Variants in SS18L1 observed in about 807,000 individuals in gnomAD.
The protein encoded by SS18L1 is calcium-responsive transactivator.
SS18L1 carries 32 observed loss-of-function variants against 70.3 expected under a neutral mutation model. The ratio of observed to expected loss-of-function variants is 0.46; its 90% CI spans 0.34 to 0.61. SS18L1 has a LOEUF of 0.61. SS18L1 is among the 20% of genes least tolerant of loss of function. The probability of loss-of-function intolerance (pLI) is 0.01; values close to 1 mark genes in which losing one functional copy is unlikely to be tolerated. For synonymous variants in SS18L1, 237 were observed against 229.7 expected, an observed-to-expected ratio of 1.03 and a Z score of -0.29; for missense variants, 430 against 542.1, an observed-to-expected ratio of 0.79 and a Z score of 2.05.
At position 62,172,673 on chromosome 20, in the gene SS18L1, T is replaced by C. The variant is rs1328569730; in HGVS notation, c.917-9T>C. The C allele has an allele frequency of 6.2e-7, 1 of 1,614,092 alleles. No individual in the cohort carries two copies. Among genetic ancestry groups the C allele is most frequent in the Non-Finnish European group, 8.5e-7 (1 of 1,180,010 alleles). On this transcript the variant is annotated splice_polypyrimidine_tract_variant and intron_variant, in intron 8 of 10. Transcript: ENST00000331758. ...GGAAAGTCATTTCTGTGTCTCCTCCTCCCTCCAGGAAACTCCCAGTACAGC... is the reference window on the plus strand; with the variant it reads ...GGAAAGTCATTTCTGTGTCTCCTCCCCCCTCCAGGAAACTCCCAGTACAGC...
rs1244916245 is a variant in SS18L1, at chr20:62,174,436, T to TA, written c.1037-73dup. The TA allele has an allele frequency of 1.5e-5, 23 of 1,535,974 alleles. No individual in the cohort carries two copies. The East Asian group carries it at 4.8e-4, about 32-fold the overall frequency. On this transcript the variant is annotated intron_variant, in intron 9 of 10. Coordinates refer to ENST00000331758, the MANE Select transcript of SS18L1 (RefSeq NM_198935.3). This position sits in a 1 kb window ranked among gnomAD's most constrained non-coding sequence, Gnocchi z 4.1. ...ATTTTTCAAGGAGAAGAGGAAGTTT[T>TA]AAAAAAAATTTTTAAGTTAAGAAAA...
Position 62,174,088 on chromosome 20 carries a change from T to C in SS18L1, c.1037-429T>C, listed in dbSNP as rs1378495347. ...TTTGACTTAGCCTTCCTAGAGACGA[T>C]GTCTCTGTCTCACCTGCCTGCAGGT... On this transcript the variant is annotated intron_variant, in intron 9 of 10. Transcript: ENST00000331758. This position sits in a 1 kb window ranked among gnomAD's most constrained non-coding sequence, Gnocchi z 4.1. 6.6e-6 allele frequency among the ~76,000 whole-genome samples: 1 copy of C among 152,006 alleles called. No individual in the cohort carries two copies. Among genetic ancestry groups the C allele is most frequent in the Non-Finnish European group, 1.5e-5 (1 of 68,016 alleles).
chr20:62,167,034 G>GTTTTTTT (rs1235961398), intron 8 of SS18L1, among the ~76,000 whole-genome samples: 2 of 123,494 alleles, frequency 1.6e-5, no homozygotes, highest in East Asian at 5.2e-4. Flanking sequence ...GAGCTCAGGA[G>GTTTTTTT]TTTGTTTGTT....
At position 62,174,632 on chromosome 20, in the gene SS18L1, C is replaced by T. The variant is rs549365453; in HGVS notation, c.1152C>T (p.Tyr384=). 4.2e-5 allele frequency: 68 copies of T among 1,613,638 alleles called. No individual in the cohort carries two copies. The Admixed American group carries it at 6.8e-4, about 16-fold the overall frequency. The part of the protein sequence containing the change: ...TAPSAQQQRP[Y]GYEQGQYGNY... ...CGTCTGCCCAGCAGCAGCGGCCCTA[C>T]GGCTATGAACAGGCAAGCTTTCTGG... is the stretch of plus-strand genomic sequence containing the variant. Residue 384 remains tyrosine (Y), a synonymous_variant, in exon 10 of 11, where the codon TAC becomes TAT. Transcript: ENST00000331758. The surrounding 1 kb of genome is among the most constrained non-coding windows in gnomAD (Gnocchi z 4.1).
intron 1 of SS18L1, 59 bp downstream of exon 1, chr20:62,143,948 G>A (rs1277639912): frequency 2.1e-6 from 2 of 957,208 alleles, no homozygotes; most frequent in African/African-American, 1.8e-5. Context: ...CGCGCGCGGG[G>A]ACGGGGCGCG....
Position 62,163,640 on chromosome 20 carries a change from C to T in SS18L1, c.721+18C>T, listed in dbSNP as rs530583320. 9.7e-6 allele frequency: 15 copies of T among 1,545,618 alleles called. No homozygotes were observed. Among genetic ancestry groups the T allele is most frequent in the Middle Eastern group, 2.2e-4 (1 of 4,516 alleles). ...CCAGCAAGGTAACGCCCGGCCGGGC[C>T]AGGTCGCGGGCACAGCTGACCGCCG... is the stretch of plus-strand genomic sequence containing the variant. On this transcript the variant is annotated intron_variant, in intron 6 of 10. Coordinates refer to ENST00000331758, the MANE Select transcript of SS18L1 (RefSeq NM_198935.3).
intron 1 of SS18L1, among the ~76,000 whole-genome samples, chr20:62,147,858 C>T (rs1478536655): frequency 2.0e-5 from 3 of 152,042 alleles, no homozygotes; most frequent in Non-Finnish European, 4.4e-5. Flanking sequence ...GGGGGTGGGG[C>T]ATGGGCAAGG....
rs573979264 is a variant in SS18L1, at chr20:62,147,756, G to A, written c.69+3867G>A. 4.8e-4 allele frequency among the ~76,000 whole-genome samples: 73 copies of A among 152,168 alleles called. No individual in the cohort carries two copies. In the South Asian group the frequency reaches 6.2e-3, roughly 13 times the overall value. On this transcript the variant is annotated intron_variant, in intron 1 of 10. Coordinates refer to ENST00000331758, the MANE Select transcript of SS18L1 (RefSeq NM_198935.3). ...TTTGGTGTGGGAAGACAAGACCTTC[G>A]TGGGGTGGGTTAGTGCCGTGCCCAG...
At chr20:62,147,201 A>C (rs2057046480) in intron 1 of SS18L1, among the ~76,000 whole-genome samples, 1 of 152,068 alleles carries the variant, frequency 6.6e-6, no homozygotes, top group Non-Finnish European at 1.5e-5. Flanking sequence ...GTGGAAGGGC[A>C]GGGGGTGCTG....
chr20:62,145,627 C>T lies in SS18L1; in HGVS notation c.69+1738C>T, dbSNP rs561849475. Among the ~76,000 whole-genome samples the T allele has an allele frequency of 2.0e-3, 305 of 152,324 alleles. 2 individuals carry two copies. The highest frequency in any genetic ancestry group is 3.6e-3 in the Non-Finnish European group (248 of 68,026). The stretch of plus-strand genomic sequence containing the variant: ...AAAAGTGTGTATTGAGGTGCTGCCC[C>T]GAACATCAGATCAGAAAGGAAGAAA... On this transcript the variant is annotated intron_variant, in intron 1 of 10. Transcript: ENST00000331758.
At chr20:62,176,212 T>C (rs1003029013) in intron 10 of SS18L1, among the ~76,000 whole-genome samples, 1 of 152,256 alleles carries the variant, frequency 6.6e-6, no homozygotes, top group African/African-American at 2.4e-5. Context: ...CATATAACTT[T>C]ATACCTACCT....
rs190855191 is a variant in SS18L1, at chr20:62,181,224, A to G, written c.*2016A>G. ...AACCCTTAACACTGGTAAGGGCTCA[A>G]AAATAAACGTATGTGTTCATATTCG... On this transcript the variant is annotated 3_prime_UTR_variant, in exon 11 of 11. Coordinates refer to ENST00000331758, the MANE Select transcript of SS18L1 (RefSeq NM_198935.3). 1.5e-5 allele frequency: 3 copies of G among 203,188 alleles called. No homozygotes were observed. The highest frequency in any genetic ancestry group is 4.6e-5 in the African/African-American group (2 of 43,786). 12.6% of individuals were successfully genotyped at this position (203,188 alleles called of 1,614,324 possible).
chr20:62,144,646 G>A (rs1453852448), intron 1 of SS18L1, among the ~76,000 whole-genome samples: 1 of 152,262 alleles, frequency 6.6e-6, no homozygotes, highest in Non-Finnish European at 1.5e-5. Context: ...AGCTCCGTAA[G>A]TTCGGCCTTG....
chr20:62,172,937 C>T, intron 9 of SS18L1, 136 bp downstream of exon 9: 1 of 1,504,404 alleles, frequency 6.6e-7, no homozygotes, highest in Non-Finnish European at 8.9e-7. Flanking sequence ...CGAGCACGCT[C>T]CTCGGGGCCC....
At chr20:62,147,371 G>A (rs2057050328) in intron 1 of SS18L1, among the ~76,000 whole-genome samples, 2 of 152,160 alleles carry the variant, frequency 1.3e-5, no homozygotes, top group Admixed American at 1.3e-4. Context: ...GCCTGGCTGG[G>A]TGTTCTCTAG....
In SS18L1 at chr20:62,175,066, A is replaced by G. The variant is rs116481919; in HGVS notation, c.1164+422A>G. 3.0e-3 allele frequency among the ~76,000 whole-genome samples: 462 copies of G among 152,286 alleles called. 3 individuals carry two copies. Among genetic ancestry groups the G allele is most frequent in the African/African-American group, 0.011 (443 of 41,566 alleles). ...GCTGAGGACAGAGCGGGGGGCCCCA[A>G]ATGGAGCCCGCCTTCCAGATGGGGG... is the stretch of plus-strand genomic sequence containing the variant. On this transcript the variant is annotated intron_variant, in intron 10 of 10. Transcript: ENST00000331758.
chr20:62,157,675 C>T (rs746930989), intron 1 of SS18L1, among the ~76,000 whole-genome samples: 4 of 152,212 alleles, frequency 2.6e-5, no homozygotes, highest in Non-Finnish European at 4.4e-5. Context: ...ATGACCTTGT[C>T]TGTGCACACA....
intron 8 of SS18L1, among the ~76,000 whole-genome samples, chr20:62,167,342 C>T (rs7271229): frequency 0.092 from 13,774 of 149,764 alleles, 2,010 homozygotes; most frequent in African/African-American, 0.31. Context: ...CGCGCCCGGC[C>T]GAGCTCAGGA....
At chr20:62,150,464 C>T (rs2057106460) in intron 1 of SS18L1, among the ~76,000 whole-genome samples, 1 of 152,140 alleles carries the variant, frequency 6.6e-6, no homozygotes, top group Non-Finnish European at 1.5e-5. Flanking sequence ...TTGATGACTC[C>T]TAGGAATTGA....
Sources: allele counts gnomAD v4.1 joint callset (sites outside exome capture counted in the v4.1 genomes callset), GRCh38; gene constraint gnomAD v4.1.1; non-coding constraint Gnocchi (gnomAD v3.1); transcripts MANE v1.5; gene names NCBI Gene and HGNC (gene_info 2026-07-23, HGNC 2026-07-21).